The following RAB38 variants were observed in gnomAD, a reference collection of about 807,000 sequenced individuals.
RAB38 encodes the protein RAB38, member RAS oncogene family.
In RAB38, 15 loss-of-function variants were observed where a neutral mutation model predicts 18.4. The ratio of observed to expected loss-of-function variants is 0.82; its 90% confidence interval spans 0.55 to 1.26. The LOEUF is 1.26. RAB38 is among the 50% of genes most tolerant of loss of function. The probability of loss-of-function intolerance (pLI) is 0.00; values close to 1 mark genes in which losing one functional copy is unlikely to be tolerated. For synonymous variants in RAB38, 101 were observed against 104.4 expected (o/e 0.97, Z 0.20); for missense variants, 294 against 267.4 (o/e 1.10, Z -0.69).
intron 1 of RAB38, among the ~76,000 whole-genome samples, chr11:88,153,790 A>T (rs1373078670): frequency 6.6e-6 from 1 of 152,226 alleles, no homozygotes; most frequent in Admixed American, 6.5e-5. Flanking sequence ...ATGTTAGTGT[A>T]TGATTAGTCT....
chr11:87,837,866 A>C, the RAB38 span, among the ~76,000 whole-genome samples: 1 of 152,116 alleles, frequency 6.6e-6, no homozygotes, highest in Non-Finnish European at 1.5e-5. Flanking sequence ...AATATTAAAC[A>C]TATATATAAT....
At chr11:88,048,424 A>G in the RAB38 span, among the ~76,000 whole-genome samples, 686 of 152,164 alleles carry the variant, frequency 4.5e-3, 4 homozygotes, top group Middle Eastern at 0.044. Context: ...ACCATCCTCA[A>G]TCTTCAGGAA....
At chr11:87,868,612 A>AGAAG in the RAB38 span, among the ~76,000 whole-genome samples, 4 of 144,818 alleles carry the variant, frequency 2.8e-5, no homozygotes, top group Admixed American at 6.8e-5. Context: ...AGAGAGAGAG[A>AGAAG]GAGAGAGAGA....
At chr11:88,175,106 G>A in intron 1 of RAB38, 77 bp downstream of exon 1, 1 of 1,427,918 alleles carries the variant, frequency 7.0e-7, no homozygotes. Context: ...CTCACGCTTG[G>A]CCGCAAGCCG....
the RAB38 span, among the ~76,000 whole-genome samples, chr11:87,851,751 T>C: frequency 6.6e-6 from 1 of 152,138 alleles, no homozygotes; most frequent in Non-Finnish European, 1.5e-5. Flanking sequence ...GCAGAGAGCC[T>C]GGGTCTTTCT....
chr11:87,967,193 T>C, the RAB38 span, among the ~76,000 whole-genome samples: 6 of 152,328 alleles, frequency 3.9e-5, no homozygotes, highest in East Asian at 3.9e-4. Context: ...TTGAGAAGCA[T>C]TTGTATCTAA....
chr11:87,955,710 AT>A, the RAB38 span, among the ~76,000 whole-genome samples: 1 of 152,044 alleles, frequency 6.6e-6, no homozygotes, highest in Non-Finnish European at 1.5e-5. Context: ...TCAATCATCC[AT>A]TGAGCTAGGC....
At chr11:87,950,029 T>G in the RAB38 span, among the ~76,000 whole-genome samples, 3 of 152,136 alleles carry the variant, frequency 2.0e-5, no homozygotes, top group Non-Finnish European at 2.9e-5. Context: ...GAGTCTAAGT[T>G]TCTTTGTAGG....
chr11:87,875,900 C>T, the RAB38 span, among the ~76,000 whole-genome samples: 1 of 151,532 alleles, frequency 6.6e-6, no homozygotes, highest in Non-Finnish European at 1.5e-5. Flanking sequence ...ATCTACAATC[C>T]TGTTATTTGT....
At chr11:88,054,222 C>T in the RAB38 span, among the ~76,000 whole-genome samples, 1 of 152,076 alleles carries the variant, frequency 6.6e-6, no homozygotes, top group Non-Finnish European at 1.5e-5. Flanking sequence ...AGTAACAGTC[C>T]CTCTAACTGG....
chr11:88,048,463 G>C, the RAB38 span, among the ~76,000 whole-genome samples: 1 of 152,098 alleles, frequency 6.6e-6, no homozygotes, highest in African/African-American at 2.4e-5. Flanking sequence ...GTCTTTTAAA[G>C]ACACACCTCA....
At chr11:88,086,061 C>T in the RAB38 span, among the ~76,000 whole-genome samples, 1 of 151,786 alleles carries the variant, frequency 6.6e-6, no homozygotes, top group East Asian at 1.9e-4. Context: ...CTCTAAGCTT[C>T]AATTTCTTCA....
the RAB38 span, among the ~76,000 whole-genome samples, chr11:87,902,233 TATA>T: frequency 6.6e-5 from 10 of 151,562 alleles, no homozygotes; most frequent in Non-Finnish European, 1.2e-4. Context: ...AGGAAATTTC[TATA>T]ATAAGGCCAC....
At chr11:88,111,873 A>G (rs1428607172), downstream of RAB38, among the ~76,000 whole-genome samples, 3 of 152,270 alleles carry the variant, frequency 2.0e-5, no homozygotes, top group African/African-American at 7.2e-5. Context: ...GCCTTTCAAA[A>G]TAAGTACACT....
At chr11:87,827,199 T>C in the RAB38 span, among the ~76,000 whole-genome samples, 2 of 152,200 alleles carry the variant, frequency 1.3e-5, no homozygotes, top group East Asian at 1.9e-4. Context: ...TTCTATATGA[T>C]AACAAATATA....
At chr11:87,947,838 C>T in the RAB38 span, among the ~76,000 whole-genome samples, 3 of 152,094 alleles carry the variant, frequency 2.0e-5, no homozygotes, top group Non-Finnish European at 4.4e-5. Context: ...TGCCTCCCAG[C>T]TTTTGTTCTT....
chr11:87,852,125 T>C, the RAB38 span, among the ~76,000 whole-genome samples: 3 of 152,080 alleles, frequency 2.0e-5, no homozygotes, highest in Non-Finnish European at 1.5e-5. Context: ...TCTGTGTCCG[T>C]GTGTCTTTAG....
the RAB38 span, among the ~76,000 whole-genome samples, chr11:87,837,865 CAT>C: frequency 1.3e-4 from 20 of 152,094 alleles, no homozygotes; most frequent in Non-Finnish European, 2.8e-4. Flanking sequence ...AAATATTAAA[CAT>C]ATATATAATA....
chr11:88,012,890 T>C, the RAB38 span, among the ~76,000 whole-genome samples: 2 of 152,200 alleles, frequency 1.3e-5, no homozygotes, highest in East Asian at 3.9e-4. Flanking sequence ...AACTTCTTAC[T>C]CAGCATACAC....
Sources: allele counts gnomAD v4.1 joint callset (sites outside exome capture counted in the v4.1 genomes callset), GRCh38; gene constraint gnomAD v4.1.1; transcripts MANE v1.5; gene names NCBI Gene and HGNC (gene_info 2026-07-23, HGNC 2026-07-21).